LDLRAD4: variants seen among roughly 807,000 people sequenced by gnomAD.
LDLRAD4 encodes the protein low density lipoprotein receptor class A domain containing 4.
A neutral mutation model predicts 17.0 loss-of-function variants in LDLRAD4; 5 were observed. That is an observed-to-expected ratio of 0.29 (90% CI 0.15 to 0.62). The LOEUF (loss-of-function observed/expected upper bound fraction) is 0.62, where lower values mean the gene tolerates loss of function less well. Among genes scored for constraint, LDLRAD4 ranks in the 20% least tolerant of loss-of-function variants. The pLI is 0.84. For missense variants in LDLRAD4, 340 were observed against 424.7 expected, an observed-to-expected ratio of 0.80 and a Z score of 1.75; for synonymous variants, 168 against 171.8, an observed-to-expected ratio of 0.98 and a Z score of 0.17.
chr18:13,544,885 C>CTTTTTTTTTTTTT (rs58284452), intron 3 of LDLRAD4, among the ~76,000 whole-genome samples: 1 of 122,854 alleles, frequency 8.1e-6, no homozygotes, highest in Admixed American at 8.2e-5. Context: ...GATGGTTTGT[C>CTTTTTTTTTTTTT]TTTTTTTTTT....
At chr18:13,416,444 T>C (rs2088896606) in intron 2 of LDLRAD4, among the ~76,000 whole-genome samples, 1 of 152,210 alleles carries the variant, frequency 6.6e-6, no homozygotes, top group Admixed American at 6.5e-5. Context: ...CTTCACTTAA[T>C]GGGTTCGTCA....
At chr18:13,292,830 C>T (rs899538587) in intron 1 of LDLRAD4, among the ~76,000 whole-genome samples, 9 of 152,212 alleles carry the variant, frequency 5.9e-5, no homozygotes, top group Non-Finnish European at 1.2e-4. Context: ...TTGGCGATCC[C>T]GTTACTGAAT....
exon 6 of LDLRAD4, chr18:13,646,632 TC>T (rs908206273): frequency 1.3e-5 from 2 of 152,790 alleles, no homozygotes; most frequent in African/African-American, 4.8e-5. Context: ...GCCCTCATCC[TC>T]CAGCAGTGCA....
chr18:13,248,105 C>T (rs972584939), intron 1 of LDLRAD4, among the ~76,000 whole-genome samples: 3 of 151,974 alleles, frequency 2.0e-5, no homozygotes, highest in Non-Finnish European at 4.4e-5. Flanking sequence ...GGATTACAGG[C>T]GTGTGCCACC....
chr18:13,387,459 G>A (rs565982986), exon 2 of LDLRAD4: 78 of 411,126 alleles, frequency 1.9e-4, no homozygotes, highest in African/African-American at 1.6e-3. Flanking sequence ...AGGGCCTGAG[G>A]GCCAGCCCCT....
intron 3 of LDLRAD4, among the ~76,000 whole-genome samples, chr18:13,475,640 C>T (rs1351408378): frequency 6.6e-6 from 1 of 152,120 alleles, no homozygotes; most frequent in African/African-American, 2.4e-5. Context: ...CACGGACTCC[C>T]ATTACCCTAA....
intron 3 of LDLRAD4, among the ~76,000 whole-genome samples, chr18:13,572,283 C>G (rs2094703589): frequency 6.6e-6 from 1 of 152,176 alleles, no homozygotes; most frequent in Non-Finnish European, 1.5e-5. Flanking sequence ...ACAAAAGAAA[C>G]AGGCCTGCTG....
chr18:13,645,427 C>A lies in LDLRAD4; in HGVS notation c.691C>A (p.Pro231Thr). ...TATGTATAGCGGGGGTCCATGCCCA[C>A]CCAGCAGCAACTCGGGCATCAGTGC... The change falls in exon 6 of 6, where the codon CCC becomes ACC. Residue 231 changes from proline (P) to threonine (T), a missense_variant. Physicochemically the swap from Pro to Thr is conservative, Grantham distance 38. Coordinates refer to ENST00000359446, the Ensembl canonical transcript of LDLRAD4. The surrounding 1 kb of genome is among the most constrained non-coding windows in gnomAD (Gnocchi z 5.7). 6.2e-7 allele frequency: 1 copy of A among 1,614,110 alleles called. No homozygotes were observed. Among genetic ancestry groups the A allele is most frequent in the Non-Finnish European group, 8.5e-7 (1 of 1,180,034 alleles).
Position 13,289,287 on chromosome 18 carries a change from T to A in LDLRAD4, c.-383+11099T>A, listed in dbSNP as rs2045833032. 2.6e-5 allele frequency among the ~76,000 whole-genome samples: 4 copies of A among 152,204 alleles called. No homozygotes were observed. In the South Asian group the frequency reaches 8.3e-4, roughly 32 times the overall value. ...AATCACATCATATTCACTTTCTCAT[T>A]TGTCTCATTGCATAGGTGTATAAAC... On this transcript the variant is annotated intron_variant, in intron 1 of 5. Transcript: ENST00000359446.
chr18:13,514,576 C>A (rs968876513), intron 3 of LDLRAD4: 2 of 152,120 alleles, frequency 1.3e-5, no homozygotes, highest in Non-Finnish European at 2.9e-5. Context: ...CCGTGGTAGC[C>A]CTCTCTGGGG....
rs182399970 is a variant in LDLRAD4 at position 13,541,920 on chromosome 18, A to C, written c.182-79197A>C. 1.0e-3 allele frequency among the ~76,000 whole-genome samples: 152 copies of C among 151,698 alleles called. 4 individuals carry two copies. The East Asian group carries it at 0.022, about 22-fold the overall frequency. On this transcript the variant is annotated intron_variant, in intron 3 of 5. Coordinates refer to ENST00000359446, the Ensembl canonical transcript of LDLRAD4. ...GATGTTGTCTCTACAAATATAGCCC[A>C]AAAAAATTAGTGGGGTGTGGTGGTA...
chr18:13,604,886 G>A (rs540259089), intron 3 of LDLRAD4, among the ~76,000 whole-genome samples: 80 of 152,210 alleles, frequency 5.3e-4, no homozygotes, highest in African/African-American at 8.4e-4. Flanking sequence ...ATTTGGGGGC[G>A]TGCCAGCAGC....
At chr18:13,283,332 T>C (rs956552642) in intron 1 of LDLRAD4, among the ~76,000 whole-genome samples, 5 of 152,368 alleles carry the variant, frequency 3.3e-5, no homozygotes, top group Non-Finnish European at 5.9e-5. Context: ...ACTTTTATGC[T>C]CTGCTTCCCT....
intron 3 of LDLRAD4, among the ~76,000 whole-genome samples, chr18:13,460,696 C>T (rs1349554737): frequency 3.9e-5 from 6 of 152,172 alleles, no homozygotes; most frequent in African/African-American, 1.4e-4. Flanking sequence ...TTCATACCTC[C>T]TGAGTTTTTG....
chr18:13,376,443 T>G (rs377463849), intron 1 of LDLRAD4, among the ~76,000 whole-genome samples: 5 of 152,182 alleles, frequency 3.3e-5, no homozygotes, highest in East Asian at 3.9e-4. Flanking sequence ...GGCAGTTATA[T>G]TCCCTCTTGC....
intron 2 of LDLRAD4, among the ~76,000 whole-genome samples, chr18:13,415,685 G>A (rs576045087): frequency 7.2e-5 from 11 of 152,178 alleles, no homozygotes; most frequent in Non-Finnish European, 1.2e-4. Flanking sequence ...CCCCCAGGAC[G>A]GTCCCTTGCA....
At chr18:13,237,964 C>G (rs887478956) in intron 1 of LDLRAD4, among the ~76,000 whole-genome samples, 11 of 152,126 alleles carry the variant, frequency 7.2e-5, no homozygotes, top group Admixed American at 2.6e-4. Context: ...GATGCCCACC[C>G]TGGTTCTTAA....
rs1171197248 is a variant in LDLRAD4, at chr18:13,300,704, A to G, written c.-383+22516A>G. On this transcript the variant is annotated intron_variant, in intron 1 of 5. Coordinates refer to ENST00000359446, the Ensembl canonical transcript of LDLRAD4. The surrounding 1 kb of genome is among the most constrained non-coding windows in gnomAD (Gnocchi z 4.2). ...AGAATTTCTTGGTGGCGTTCACACT[A>G]AGAAGTGTCAGAGTGGGCAGAGGGA... Among the ~76,000 whole-genome samples, 1 of 152,164 alleles carries G rather than the reference A, an allele frequency of 6.6e-6. No homozygotes were observed. The highest frequency in any genetic ancestry group is 1.5e-5 in the Non-Finnish European group (1 of 68,022).
intron 3 of LDLRAD4, among the ~76,000 whole-genome samples, chr18:13,511,717 C>T (rs1323093058): frequency 2.6e-5 from 4 of 152,226 alleles, no homozygotes; most frequent in Non-Finnish European, 2.9e-5. Flanking sequence ...GTAGGAAAGG[C>T]GGGGACATGG....
Sources: allele counts gnomAD v4.1 joint callset (sites outside exome capture counted in the v4.1 genomes callset), GRCh38; gene constraint gnomAD v4.1.1; non-coding constraint Gnocchi (gnomAD v3.1); transcripts MANE v1.5; gene names NCBI Gene and HGNC (gene_info 2026-07-23, HGNC 2026-07-21).